Variants in NXPH1 observed in about 807,000 individuals in gnomAD.
NXPH1 encodes neurexophilin 1.
A neutral mutation model predicts 23.7 loss-of-function variants in NXPH1; 5 were observed. The ratio of observed to expected loss-of-function variants is 0.21; its 90% CI spans 0.11 to 0.44. The LOEUF (loss-of-function observed/expected upper bound fraction) is 0.44. NXPH1 is among the 20% of genes least tolerant of loss of function. NXPH1 has a pLI of 0.99. For synonymous variants in NXPH1, 144 were observed against 122.2 expected (o/e 1.18, Z -1.18); for missense variants, 324 against 321.6 (o/e 1.01, Z -0.06).
At chr7:8,547,591 C>T (rs1418933700) in intron 2 of NXPH1, among the ~76,000 whole-genome samples, 1 of 151,356 alleles carries the variant, frequency 6.6e-6, no homozygotes, top group Non-Finnish European at 1.5e-5. Flanking sequence ...ACCCATTGCC[C>T]AAATAGTGAA....
intron 2 of NXPH1, among the ~76,000 whole-genome samples, chr7:8,704,864 G>A (rs1779679185): frequency 6.6e-6 from 1 of 152,006 alleles, no homozygotes; most frequent in Admixed American, 6.6e-5. Flanking sequence ...TTTCAGAACT[G>A]GAGGCAAAAT....
intron 2 of NXPH1, among the ~76,000 whole-genome samples, chr7:8,530,594 G>C (rs959669175): frequency 6.6e-5 from 10 of 152,174 alleles, no homozygotes; most frequent in African/African-American, 2.4e-4. Context: ...CAAGAAAGAC[G>C]GTTGTTGTAG....
At chr7:8,441,709 A>G (rs1816303304) in intron 2 of NXPH1, among the ~76,000 whole-genome samples, 1 of 152,098 alleles carries the variant, frequency 6.6e-6, no homozygotes, top group Non-Finnish European at 1.5e-5. Context: ...CTTTTTATTG[A>G]GATAATATAT....
chr7:8,550,412 A>T (rs1264547930), intron 2 of NXPH1, among the ~76,000 whole-genome samples: 1 of 151,556 alleles, frequency 6.6e-6, no homozygotes, highest in African/African-American at 2.4e-5. Context: ...TTACTATTCA[A>T]CCCTTGGGTT....
At chr7:8,691,121 TG>T (rs751458998) in intron 2 of NXPH1, among the ~76,000 whole-genome samples, 50 of 152,172 alleles carry the variant, frequency 3.3e-4, no homozygotes, top group Non-Finnish European at 6.8e-4. Context: ...AACTTTCCAA[TG>T]AGTTCTTTTT....
At chr7:8,744,511 T>C (rs994872619) in intron 2 of NXPH1, among the ~76,000 whole-genome samples, 1 of 152,190 alleles carries the variant, frequency 6.6e-6, no homozygotes, top group Non-Finnish European at 1.5e-5. Flanking sequence ...GCTAACATTT[T>C]TAAAGATATT....
At chr7:8,511,629 TC>T (rs1296811373) in intron 2 of NXPH1, among the ~76,000 whole-genome samples, 1 of 152,114 alleles carries the variant, frequency 6.6e-6, no homozygotes, top group Non-Finnish European at 1.5e-5. Flanking sequence ...GGAAGACTTT[TC>T]CACCTCTCTT....
chr7:8,731,417 C>A (rs1780151470), intron 2 of NXPH1, among the ~76,000 whole-genome samples: 1 of 152,198 alleles, frequency 6.6e-6, no homozygotes. Flanking sequence ...GAGAGGCGCT[C>A]TGCTTTTTAG....
At chr7:8,742,185 G>C (rs1169868901) in intron 2 of NXPH1, among the ~76,000 whole-genome samples, 1 of 152,106 alleles carries the variant, frequency 6.6e-6, no homozygotes, top group Non-Finnish European at 1.5e-5. Flanking sequence ...TCTATGGCCA[G>C]TAAAGACACT....
chr7:8,710,957 C>T lies in NXPH1; in HGVS notation c.55-40051C>T, dbSNP rs545160783. Among the ~76,000 whole-genome samples the T allele has an allele frequency of 2.3e-4, 35 of 152,116 alleles. 8 individuals carry two copies. The highest frequency in any genetic ancestry group is 7.7e-4 in the African/African-American group (32 of 41,452). On this transcript the variant is annotated intron_variant, in intron 2 of 2. Transcript: ENST00000405863. ...GACTACAGGCGTGAGCCACCGCGCC[C>T]GGCCGTTACGGTTTTATGATAACAC...
intron 2 of NXPH1, among the ~76,000 whole-genome samples, chr7:8,493,671 G>C (rs181978174): frequency 4.3e-4 from 66 of 152,158 alleles, no homozygotes; most frequent in Admixed American, 3.9e-3. Context: ...GCTCACTGAA[G>C]TCAGGGACAT....
rs139010731 is a variant in NXPH1, at chr7:8,656,587, C to G, written c.55-94421C>G. Among the ~76,000 whole-genome samples, 7 of 149,034 alleles carry G rather than the reference C, an allele frequency of 4.7e-5. No homozygotes were observed. In the East Asian group the frequency reaches 1.2e-3, roughly 25 times the overall value. On this transcript the variant is annotated intron_variant, in intron 2 of 2. Transcript: ENST00000405863. Reference sequence around the variant, plus strand: ...CTTTAAGTTTTAGGGTACATGTGCACAATGTGCGGGTTAGTTACATATGTA... The same window carrying G: ...CTTTAAGTTTTAGGGTACATGTGCAGAATGTGCGGGTTAGTTACATATGTA...
intron 2 of NXPH1, among the ~76,000 whole-genome samples, chr7:8,690,600 A>G (rs912103752): frequency 5.3e-5 from 8 of 152,354 alleles, no homozygotes; most frequent in African/African-American, 1.9e-4. Flanking sequence ...GACCAAAAAT[A>G]TTTTATTTAA....
intron 2 of NXPH1, among the ~76,000 whole-genome samples, chr7:8,598,546 G>C (rs1819280274): frequency 6.6e-6 from 1 of 152,062 alleles, no homozygotes. Context: ...TCCTAACTAA[G>C]GAACAATTAG....
At chr7:8,556,544 T>C (rs553337314) in intron 2 of NXPH1, among the ~76,000 whole-genome samples, 1 of 151,638 alleles carries the variant, frequency 6.6e-6, no homozygotes, top group Non-Finnish European at 1.5e-5. Flanking sequence ...CCGAGAATGC[T>C]CCAGCAGGCA....
At chr7:8,719,288 A>G (rs1779927430) in intron 2 of NXPH1, among the ~76,000 whole-genome samples, 1 of 152,188 alleles carries the variant, frequency 6.6e-6, no homozygotes, top group African/African-American at 2.4e-5. Flanking sequence ...AGTTACAGAG[A>G]TATTGCTTCA....
intron 2 of NXPH1, among the ~76,000 whole-genome samples, chr7:8,739,474 C>T (rs1486241728): frequency 6.6e-6 from 1 of 152,102 alleles, no homozygotes; most frequent in Non-Finnish European, 1.5e-5. Context: ...CCATGGGCTG[C>T]ACGCACTGTC....
intron 2 of NXPH1, among the ~76,000 whole-genome samples, chr7:8,698,186 A>T (rs189584392): frequency 6.6e-6 from 1 of 152,344 alleles, no homozygotes; most frequent in East Asian, 1.9e-4. Flanking sequence ...ACCATGACAA[A>T]CATTTACACC....
At chr7:8,731,627 G>C (rs564192337) in intron 2 of NXPH1, among the ~76,000 whole-genome samples, 1 of 152,302 alleles carries the variant, frequency 6.6e-6, no homozygotes, top group South Asian at 2.1e-4. Context: ...GCCCCTGTTG[G>C]AGGGTGCCTC....
Sources: allele counts gnomAD v4.1 joint callset (sites outside exome capture counted in the v4.1 genomes callset), GRCh38; gene constraint gnomAD v4.1.1; transcripts MANE v1.5; gene names NCBI Gene and HGNC (gene_info 2026-07-23, HGNC 2026-07-21).